PALS2: variants seen among roughly 807,000 people sequenced by gnomAD.
The protein encoded by PALS2 is protein associated with LIN7 2, MAGUK p55 family member.
Under a neutral mutation model 61.6 loss-of-function variants are expected in PALS2, and 27 were observed. The observed-to-expected ratio is 0.44, with a 90% CI of 0.32 to 0.60. The LOEUF (loss-of-function observed/expected upper bound fraction) is 0.60, where lower values mean the gene tolerates loss of function less well. PALS2 is among the 20% of genes least tolerant of loss of function. The pLI, the probability that PALS2 is intolerant of heterozygous loss-of-function variation, is 0.05. For missense variants in PALS2, 554 were observed against 639.4 expected, an observed-to-expected ratio of 0.87 and a Z score of 1.44; for synonymous variants, 236 against 218.6, an observed-to-expected ratio of 1.08 and a Z score of -0.70.
At chr7:24,616,983 T>C (rs1234367485) in intron 1 of PALS2, among the ~76,000 whole-genome samples, 3 of 152,206 alleles carry the variant, frequency 2.0e-5, no homozygotes, top group Non-Finnish European at 2.9e-5. Context: ...TTTTTACAAC[T>C]AGCTCATTAA....
chr7:24,628,817 A>G (rs1784862136), intron 2 of PALS2, among the ~76,000 whole-genome samples: 1 of 152,238 alleles, frequency 6.6e-6, no homozygotes, highest in South Asian at 2.1e-4. Flanking sequence ...AAGGAAAACT[A>G]CAAACCACTG....
chr7:24,687,699 G>T lies in PALS2; in HGVS notation c.*85G>T. Reference sequence around the variant, plus strand: ...CCTTCTACTGAGAAAATACATCACAGATAGAAGATTATCTGCTAAGTCCAG... The same window carrying T: ...CCTTCTACTGAGAAAATACATCACATATAGAAGATTATCTGCTAAGTCCAG... On this transcript the variant is annotated 3_prime_UTR_variant, in exon 12 of 12. Coordinates refer to ENST00000222644, the MANE Select transcript of PALS2 (RefSeq NM_001303037.2). The surrounding 1 kb of genome is among the most constrained non-coding windows in gnomAD (Gnocchi z 4.5). The T allele has an allele frequency of 2.3e-6, 3 of 1,328,290 alleles. No homozygotes were observed. Among genetic ancestry groups the T allele is most frequent in the Non-Finnish European group, 3.1e-6 (3 of 983,068 alleles). 82.3% of individuals were successfully genotyped at this position (1,328,290 alleles called of 1,614,324 possible). A position where few individuals can be genotyped will look rare whatever the true frequency, so the allele number is the denominator to read the frequency against.
At chr7:24,602,826 A>G (rs1402117807) in intron 1 of PALS2, among the ~76,000 whole-genome samples, 1 of 152,070 alleles carries the variant, frequency 6.6e-6, no homozygotes, top group Non-Finnish European at 1.5e-5. Context: ...ACCTGGTGGG[A>G]GGTAATTGAA....
At chr7:24,683,174 G>T (rs1456226235) in intron 11 of PALS2, among the ~76,000 whole-genome samples, 1 of 152,180 alleles carries the variant, frequency 6.6e-6, no homozygotes, top group Non-Finnish European at 1.5e-5. Flanking sequence ...CAAGGTGGTA[G>T]TATTCTAAAT....
At chr7:24,607,731 A>G (rs1453598980) in intron 1 of PALS2, among the ~76,000 whole-genome samples, 1 of 151,926 alleles carries the variant, frequency 6.6e-6, no homozygotes, top group Non-Finnish European at 1.5e-5. Flanking sequence ...ACTAATTACA[A>G]CTGCAGAAAT....
chr7:24,595,386 A>G (rs1783459061), intron 1 of PALS2, among the ~76,000 whole-genome samples: 1 of 144,570 alleles, frequency 6.9e-6, no homozygotes, highest in Admixed American at 7.2e-5. Context: ...GAGAGACATC[A>G]ACTATTTATA....
chr7:24,691,575 T>C lies in PALS2; in HGVS notation c.*3961T>C, dbSNP rs971593376. The stretch of plus-strand genomic sequence containing the variant: ...CCCATTTCTTTGACATTCTGAAACT[T>C]TTTTTAGATTGTTTTAAAACGCTCT... On this transcript the variant is annotated 3_prime_UTR_variant, in exon 12 of 12. Transcript: ENST00000222644. 6.6e-5 allele frequency: 10 copies of C among 151,354 alleles called. No individual in the cohort carries two copies. The highest frequency in any genetic ancestry group is 2.2e-4 in the African/African-American group (9 of 41,306). 9.4% of individuals were successfully genotyped at this position (151,354 alleles called of 1,614,324 possible). A position where few individuals can be genotyped will look rare whatever the true frequency, so the allele number is the denominator to read the frequency against.
intron 1 of PALS2, among the ~76,000 whole-genome samples, chr7:24,579,992 G>T (rs1378810116): frequency 6.6e-6 from 1 of 152,092 alleles, no homozygotes; most frequent in African/African-American, 2.4e-5. Flanking sequence ...AAAGAAAAAT[G>T]TATGAGAAAG....
Position 24,682,665 on chromosome 7 carries a change from G to A in PALS2, c.1446+2145G>A, listed in dbSNP as rs186492481. On this transcript the variant is annotated intron_variant, in intron 11 of 11. Transcript: ENST00000222644. The stretch of plus-strand genomic sequence containing the variant: ...CATTTTGTCCATAAATTAATTGTTA[G>A]GTGGGAGAGTTAGTCTGGTGCCTGT... Among the ~76,000 whole-genome samples, 61 of 152,262 alleles carry A rather than the reference G, an allele frequency of 4.0e-4. 1 individual carries two copies. Among genetic ancestry groups the A allele is most frequent in the Middle Eastern group, 3.4e-3 (1 of 294 alleles).
In PALS2 at chr7:24,687,324, A is replaced by G; in HGVS notation, c.1447-114A>G. The G allele has an allele frequency of 1.0e-5, 8 of 770,150 alleles. No individual in the cohort carries two copies. Among genetic ancestry groups the G allele is most frequent in the Non-Finnish European group, 1.7e-5 (8 of 482,244 alleles). The allele number at this position is 770,150 out of a possible 1,614,324, so 47.7% of individuals were successfully genotyped here. A position where few individuals can be genotyped will look rare whatever the true frequency, so the allele number is the denominator to read the frequency against. On this transcript the variant is annotated intron_variant, in intron 11 of 11. Transcript: ENST00000222644. This position sits in a 1 kb window ranked among gnomAD's most constrained non-coding sequence, Gnocchi z 4.5. The stretch of plus-strand genomic sequence containing the variant: ...TATGGATTAGATTTTGAAGATTAAT[A>G]CCAGAATTACCAGAAATATATCTAA...
intron 2 of PALS2, among the ~76,000 whole-genome samples, chr7:24,637,093 T>C (rs554517544): frequency 2.0e-5 from 3 of 152,254 alleles, no homozygotes; most frequent in Admixed American, 2.0e-4. Context: ...GATTCCCTTT[T>C]CTGGTTTTTT....
intron 11 of PALS2, among the ~76,000 whole-genome samples, chr7:24,686,874 A>G (rs977202563): frequency 3.3e-5 from 5 of 152,258 alleles, no homozygotes; most frequent in Non-Finnish European, 7.3e-5. Context: ...AAATTACTTT[A>G]TGAAATATAA....
chr7:24,680,460 G>C lies in PALS2; in HGVS notation c.1386G>C (p.Glu462Asp). The part of the protein sequence containing the change: ...YVVFIAAPEL[E>D]TLRAMHKAVV... ...TATTTATTGCGGCTCCGGAGCTAGA[G>C]ACGTTACGTGCCATGCACAAGGCTG... Residue 462 changes from glutamate (E) to aspartate (D), a missense_variant, in exon 11 of 12, where the codon GAG (glutamate) becomes GAC (aspartate). Coordinates refer to ENST00000222644, the MANE Select transcript of PALS2 (RefSeq NM_001303037.2). 6.2e-7 allele frequency: 1 copy of C among 1,614,100 alleles called. No homozygotes were observed.
rs533173399 is a variant in PALS2 at position 24,586,795 on chromosome 7, G to GAATT, written c.-3+13205_-3+13208dup. Among the ~76,000 whole-genome samples, 390 of 152,258 alleles carry GAATT rather than the reference G, an allele frequency of 2.6e-3. 3 individuals are homozygous for GAATT. Among genetic ancestry groups the GAATT allele is most frequent in the African/African-American group, 9.0e-3 (372 of 41,530 alleles). Reference sequence around the variant, plus strand: ...AGGCTTGTGGTAATAATTTAAAAGTGAATTAAGGAGAGCCTGAAAGACAGT... The same window carrying GAATT: ...AGGCTTGTGGTAATAATTTAAAAGTGAATTAATTAAGGAGAGCCTGAAAGACAGT... On this transcript the variant is annotated intron_variant, in intron 1 of 11. Coordinates refer to ENST00000222644, the MANE Select transcript of PALS2 (RefSeq NM_001303037.2).
At chr7:24,599,145 C>T (rs1234888534) in intron 1 of PALS2, among the ~76,000 whole-genome samples, 1 of 152,118 alleles carries the variant, frequency 6.6e-6, no homozygotes, top group African/African-American at 2.4e-5. Flanking sequence ...ATTGTACTAA[C>T]ACACACATAG....
chr7:24,656,847 G>A (rs1470201008), intron 5 of PALS2, among the ~76,000 whole-genome samples: 1 of 152,042 alleles, frequency 6.6e-6, no homozygotes, highest in Non-Finnish European at 1.5e-5. Flanking sequence ...GCTTCTTTGT[G>A]TCCACTTCTC....
At chr7:24,595,558 A>G (rs1783487698) in intron 1 of PALS2, among the ~76,000 whole-genome samples, 1 of 125,392 alleles carries the variant, frequency 8.0e-6, no homozygotes, top group South Asian at 2.3e-4. Context: ...ATATATATTA[A>G]CTATATATAA....
intron 11 of PALS2, among the ~76,000 whole-genome samples, chr7:24,686,361 C>T (rs1417840492): frequency 2.0e-5 from 3 of 152,136 alleles, no homozygotes; most frequent in Admixed American, 1.3e-4. Flanking sequence ...CTTTCCATCT[C>T]GTAGGGGTCC....
chr7:24,598,988 T>A (rs907737559), intron 1 of PALS2, among the ~76,000 whole-genome samples: 3 of 152,186 alleles, frequency 2.0e-5, no homozygotes, highest in Non-Finnish European at 2.9e-5. Context: ...TGATACATAA[T>A]CAAAAGTAAA....
Sources: gnomAD v4.1 joint callset for allele counts (sites outside exome capture counted in the v4.1 genomes callset) on GRCh38, gnomAD v4.1.1 for gene constraint, Gnocchi (gnomAD v3.1) non-coding constraint, MANE v1.5 for transcripts, NCBI Gene and HGNC (gene_info 2026-07-23, HGNC 2026-07-21) for gene names.